The following PTPRN2 variants were observed in gnomAD, a reference collection of about 807,000 sequenced individuals.
The protein encoded by PTPRN2 is protein tyrosine phosphatase receptor type N2.
A neutral mutation model predicts 118.8 loss-of-function variants in PTPRN2; 74 were observed. That is an observed-to-expected ratio of 0.62 (90% CI 0.52 to 0.76). PTPRN2 has a LOEUF of 0.76. PTPRN2 is among the 30% of genes least tolerant of loss of function. The pLI, the probability that PTPRN2 is intolerant of heterozygous loss-of-function variation, is 0.00. For missense variants in PTPRN2, 1,481 were observed against 1,394.4 expected (o/e 1.06, Z -0.99); for synonymous variants, 641 against 608.0 (o/e 1.05, Z -0.80).
chr7:158,392,062 G>A (rs544794675), intron 2 of PTPRN2, among the ~76,000 whole-genome samples: 121 of 152,326 alleles, frequency 7.9e-4, no homozygotes, highest in South Asian at 4.3e-3. Context: ...ATACCCAGGG[G>A]AGGGAATTGT....
intron 15 of PTPRN2, among the ~76,000 whole-genome samples, chr7:157,608,345 G>C (rs1802127003): frequency 1.3e-5 from 2 of 152,298 alleles, no homozygotes; most frequent in South Asian, 2.1e-4. Flanking sequence ...TGGGATTACA[G>C]GCATGAGCCA....
chr7:157,900,703 G>A (rs1175797334), intron 11 of PTPRN2, among the ~76,000 whole-genome samples: 1 of 152,174 alleles, frequency 6.6e-6, no homozygotes. Flanking sequence ...GGCCCTACAT[G>A]TGCTCAGGGG....
chr7:158,490,662 C>T (rs1821383594), intron 1 of PTPRN2, among the ~76,000 whole-genome samples: 1 of 152,258 alleles, frequency 6.6e-6, no homozygotes, highest in Non-Finnish European at 1.5e-5. Context: ...GTCGCACCGC[C>T]AGCAAAGGCC....
chr7:158,152,791 C>T (rs1439196130), intron 6 of PTPRN2, among the ~76,000 whole-genome samples: 2 of 151,842 alleles, frequency 1.3e-5, no homozygotes, highest in Non-Finnish European at 2.9e-5. Flanking sequence ...GACCAACAGA[C>T]ACCAGCATGC....
At chr7:158,170,719 G>C (rs1823464331) in intron 5 of PTPRN2, among the ~76,000 whole-genome samples, 1 of 152,138 alleles carries the variant, frequency 6.6e-6, no homozygotes, top group African/African-American at 2.4e-5. Flanking sequence ...TGGGAACATG[G>C]GCAGTAAAGA....
chr7:158,257,321 A>T (rs887682653), intron 3 of PTPRN2, among the ~76,000 whole-genome samples: 3 of 152,186 alleles, frequency 2.0e-5, no homozygotes, highest in Non-Finnish European at 2.9e-5. Context: ...CTTTAAATAA[A>T]AACTTACACA....
chr7:157,935,793 G>C (rs73519103), intron 11 of PTPRN2, among the ~76,000 whole-genome samples: 5,174 of 150,872 alleles, frequency 0.034, 288 homozygotes, highest in African/African-American at 0.11. Flanking sequence ...CCCTCAGGGG[G>C]GTCTAGCCAT....
intron 3 of PTPRN2, among the ~76,000 whole-genome samples, chr7:158,281,685 T>C (rs1799437799): frequency 6.6e-6 from 1 of 152,182 alleles, no homozygotes; most frequent in Admixed American, 6.5e-5. Flanking sequence ...GCCCTTTGCA[T>C]TGGTGCTGGC....
At chr7:157,680,305 G>A (rs1222571335) in intron 13 of PTPRN2, among the ~76,000 whole-genome samples, 1 of 152,188 alleles carries the variant, frequency 6.6e-6, no homozygotes, top group South Asian at 2.1e-4. Flanking sequence ...CAGGTTCAGT[G>A]AGCCAGAAAT....
chr7:158,049,717 A>G (rs141862864), intron 11 of PTPRN2, among the ~76,000 whole-genome samples: 73 of 152,300 alleles, frequency 4.8e-4, no homozygotes, highest in African/African-American at 1.7e-3. Context: ...CCTGGCCAAC[A>G]TGGTGAAATC....
intron 12 of PTPRN2, among the ~76,000 whole-genome samples, chr7:157,883,603 A>T (rs1271208639): frequency 1.3e-5 from 2 of 149,916 alleles, no homozygotes; most frequent in African/African-American, 4.9e-5. Flanking sequence ...ACCAGAACAC[A>T]CCACCCCAAA....
rs73515161 is a variant in PTPRN2 at position 157,861,470 on chromosome 7, T to G, written c.1788+37203A>C. 2.0e-5 allele frequency among the ~76,000 whole-genome samples: 3 copies of G among 152,198 alleles called. No individual in the cohort carries two copies. Among genetic ancestry groups the G allele is most frequent in the Admixed American group, 6.5e-5 (1 of 15,282 alleles). ...GGCATCTGCCTCCTGCCCTCGGACA[T>G]GCTGGCCCGCCCTCCCTGAGTCTTG... On this transcript the variant is annotated intron_variant, in intron 12 of 22. Transcript: ENST00000389418. This position sits in a 1 kb window ranked among gnomAD's most constrained non-coding sequence, Gnocchi z 5.8.
At chr7:158,058,043 T>C (rs1809935515) in intron 11 of PTPRN2, among the ~76,000 whole-genome samples, 1 of 152,260 alleles carries the variant, frequency 6.6e-6, no homozygotes, top group Non-Finnish European at 1.5e-5. Flanking sequence ...TACAATGATC[T>C]ATTGTAAGTA....
In PTPRN2 at chr7:158,272,814, G is replaced by C. The variant is rs188026696; in HGVS notation, c.277+44005C>G. On this transcript the variant is annotated intron_variant, in intron 3 of 22. Coordinates refer to ENST00000389418, the MANE Select transcript of PTPRN2 (RefSeq NM_002847.5). ...GAGGGCCATCGGGGAGGTGCCGCCG[G>C]CAGAAGGAGAGGTGGGAAGGCTGAG... Among the ~76,000 whole-genome samples, 407 of 152,332 alleles carry C rather than the reference G, an allele frequency of 2.7e-3. 3 individuals are homozygous for C. The highest frequency in any genetic ancestry group is 0.014 in the Middle Eastern group (4 of 294).
At chr7:158,303,732 G>A (rs546052612) in intron 3 of PTPRN2, among the ~76,000 whole-genome samples, 1 of 152,336 alleles carries the variant, frequency 6.6e-6, no homozygotes, top group South Asian at 2.1e-4. Flanking sequence ...GCTGATGGCA[G>A]GCCTCATATG....
chr7:158,330,781 T>A (rs1187387542), intron 2 of PTPRN2, among the ~76,000 whole-genome samples: 15 of 99,604 alleles, frequency 1.5e-4, no homozygotes, highest in South Asian at 7.5e-4. Flanking sequence ...CCCGCAGACG[T>A]CACTCACACC....
intron 2 of PTPRN2, among the ~76,000 whole-genome samples, chr7:158,430,268 A>G (rs574861507): frequency 1.3e-5 from 2 of 152,308 alleles, no homozygotes; most frequent in East Asian, 3.9e-4. Flanking sequence ...GAAGAATCCA[A>G]CTGAATTGAA....
chr7:157,637,591 C>T (rs1473574331), intron 14 of PTPRN2, among the ~76,000 whole-genome samples: 4 of 152,196 alleles, frequency 2.6e-5, no homozygotes, highest in African/African-American at 9.7e-5. Context: ...CCCTGATGGT[C>T]ACCTACAAAG....
intron 11 of PTPRN2, among the ~76,000 whole-genome samples, chr7:157,933,376 G>C (rs1799502607): frequency 6.7e-6 from 1 of 148,824 alleles, no homozygotes; most frequent in South Asian, 2.2e-4. Flanking sequence ...GACAGCTTTA[G>C]AGGAAGGGTG....
Sources: gnomAD v4.1 joint callset for allele counts (sites outside exome capture counted in the v4.1 genomes callset) on GRCh38, gnomAD v4.1.1 for gene constraint, Gnocchi (gnomAD v3.1) non-coding constraint, MANE v1.5 for transcripts, NCBI Gene and HGNC (gene_info 2026-07-23, HGNC 2026-07-21) for gene names.